The following CEP350 variants were observed in gnomAD, a reference collection of about 807,000 sequenced individuals.
The protein encoded by CEP350 is centrosomal protein 350.
Under a neutral mutation model 331.8 loss-of-function variants are expected in CEP350, and 126 were observed. The observed-to-expected ratio is 0.38, with a 90% CI of 0.33 to 0.44. The LOEUF is 0.44. CEP350 is among the 20% of genes least tolerant of loss of function. CEP350 has a pLI of 1.00. For missense variants in CEP350, 3,406 were observed against 3,634.6 expected (o/e 0.94, Z 1.62); for synonymous variants, 1,200 against 1,259.5 (o/e 0.95, Z 1.00).
intron 17 of CEP350, 52 bp downstream of exon 17, chr1:180,037,141 T>A: frequency 6.8e-7 from 1 of 1,462,094 alleles, no homozygotes; most frequent in Non-Finnish European, 9.1e-7. Flanking sequence ...TCTTCGCTAT[T>A]TAAAATGGTC....
chr1:180,076,000 G>A (rs1659204014), intron 28 of CEP350, among the ~76,000 whole-genome samples: 1 of 151,646 alleles, frequency 6.6e-6, no homozygotes, highest in South Asian at 2.1e-4. Flanking sequence ...ATACAAACTT[G>A]AAAACTTAGA....
chr1:180,060,755 G>A lies in CEP350; in HGVS notation c.5263-1465G>A, dbSNP rs978196440. ...ATTAAAAGGCGTAAATTAGCATGGT[G>A]AAATATCAAAAGTGATATCTAGTAA... On this transcript the variant is annotated intron_variant, in intron 25 of 37. Transcript: ENST00000367607. Among the ~76,000 whole-genome samples the A allele has an allele frequency of 2.3e-4, 35 of 151,994 alleles. 1 individual carries two copies. The highest frequency in any genetic ancestry group is 2.3e-3 in the Admixed American group (35 of 15,278).
intron 1 of CEP350, among the ~76,000 whole-genome samples, chr1:179,967,198 G>A (rs1007805384): frequency 1.3e-5 from 2 of 152,074 alleles, no homozygotes; most frequent in Non-Finnish European, 2.9e-5. Context: ...GAAGACCTTT[G>A]TACAAATAGA....
At chr1:179,976,351 A>G (rs1239636248) in intron 1 of CEP350, among the ~76,000 whole-genome samples, 1 of 128,242 alleles carries the variant, frequency 7.8e-6, no homozygotes, top group Non-Finnish European at 1.6e-5. Context: ...CAGTGGGCTT[A>G]AAAGAAAACA....
At chr1:180,022,251 A>G (rs1571880390) in intron 12 of CEP350, among the ~76,000 whole-genome samples, 1 of 152,100 alleles carries the variant, frequency 6.6e-6, no homozygotes, top group East Asian at 1.9e-4. Context: ...GCTTAAATCA[A>G]CATCATTTTT....
At position 180,078,687 on chromosome 1, in the gene CEP350, A is replaced by G. The variant is rs1278946074; in HGVS notation, c.5979+13A>G. The G allele has an allele frequency of 6.4e-7, 1 of 1,571,604 alleles. No individual in the cohort carries two copies. Among genetic ancestry groups the G allele is most frequent in the Non-Finnish European group, 8.6e-7 (1 of 1,158,088 alleles). On this transcript the variant is annotated intron_variant, in intron 29 of 37. Transcript: ENST00000367607. ...TCCTAGTAAACATGTAAGTTAATGTATATTTATATCTTAAAGATTCTCTAG... is the reference window on the plus strand; with the variant it reads ...TCCTAGTAAACATGTAAGTTAATGTGTATTTATATCTTAAAGATTCTCTAG...
At chr1:180,019,499 A>C (rs1410031301) in intron 11 of CEP350, among the ~76,000 whole-genome samples, 5 of 152,222 alleles carry the variant, frequency 3.3e-5, no homozygotes, top group African/African-American at 4.8e-5. Flanking sequence ...AGAATAATCT[A>C]TATCATGTCT....
At chr1:180,084,683 T>G (rs1419280380) in intron 31 of CEP350, among the ~76,000 whole-genome samples, 3 of 152,070 alleles carry the variant, frequency 2.0e-5, no homozygotes, top group Non-Finnish European at 4.4e-5. Flanking sequence ...AATTTTAAAT[T>G]TAAATATTAA....
chr1:180,077,443 G>T (rs539372055), intron 28 of CEP350, among the ~76,000 whole-genome samples: 1 of 151,948 alleles, frequency 6.6e-6, no homozygotes, highest in South Asian at 2.1e-4. Context: ...GGAGGCCAAG[G>T]CACATACATC....
rs143908772 is a variant in CEP350 at position 180,093,687 on chromosome 1, G to A, written c.7582G>A (p.Gly2528Arg). 5.9e-5 allele frequency: 95 copies of A among 1,613,720 alleles called. No individual in the cohort carries two copies. The highest frequency in any genetic ancestry group is 6.8e-5 in the Non-Finnish European group (80 of 1,179,784). Residue 2528 changes from glycine (G) to arginine (R), a missense_variant, in exon 34 of 38, where the codon GGA becomes AGA. Around this residue, in one of 5 missense-constraint regions of CEP350, gnomAD observed 1,415 missense variants for 1,512.3 expected, o/e 0.94. Transcript: ENST00000367607. The part of the protein sequence containing the change: ...ETSFAKGFWA[G>R]VELDKPEGNN... ...TAGTTTTGCTAAAGGATTTTGGGCC[G>A]GAGTGGAGTTAGATAAACCTGAAGG...
chr1:180,014,566 T>C (rs1654852437), intron 10 of CEP350, 61 bp downstream of exon 10: 7 of 1,435,512 alleles, frequency 4.9e-6, no homozygotes, highest in Non-Finnish European at 6.5e-6. Context: ...TTATTTGCTA[T>C]ACTATTTAAA....
At chr1:180,022,953 A>G in intron 13 of CEP350, 105 bp downstream of exon 13, 1 of 1,041,002 alleles carries the variant, frequency 9.6e-7, no homozygotes, top group Non-Finnish European at 1.4e-6. Flanking sequence ...TTAAAAATAC[A>G]TATAGAGGCT....
rs184910743 is a variant in CEP350 at position 180,026,249 on chromosome 1, C to T, written c.3550+1667C>T. On this transcript the variant is annotated intron_variant, in intron 14 of 37. Transcript: ENST00000367607. ...CTGCGCCATTGCACTCCAGCCTGGG[C>T]GACAGAGTGAGACTCTGTGTCAAAA... is the stretch of plus-strand genomic sequence containing the variant. Among the ~76,000 whole-genome samples the T allele has an allele frequency of 4.4e-3, 664 of 149,724 alleles. 5 individuals carry two copies. Among genetic ancestry groups the T allele is most frequent in the African/African-American group, 0.016 (630 of 40,592 alleles).
At chr1:179,959,079 A>C (rs1650389986) in intron 1 of CEP350, among the ~76,000 whole-genome samples, 1 of 124,110 alleles carries the variant, frequency 8.1e-6, no homozygotes, top group Non-Finnish European at 1.8e-5. Flanking sequence ...TAGTGATATA[A>C]ATGTATTTTT....
Position 180,095,073 on chromosome 1 carries a change from T to A in CEP350, c.8512-450T>A, listed in dbSNP as rs6699483. On this transcript the variant is annotated intron_variant, in intron 34 of 37. Coordinates refer to ENST00000367607, the MANE Select transcript of CEP350 (RefSeq NM_014810.5). ...CTGCAGAGGTTAGCAGTTGTGATGT[T>A]GATTCTGGTAAAATGAAATAGATCC... The A allele has an allele frequency of 8.6e-3, 1,476 of 171,974 alleles. 26 individuals are homozygous for A. The highest frequency in any genetic ancestry group is 0.032 in the African/African-American group (1,343 of 41,966). The allele number at this position is 171,974 out of a possible 1,614,324, so 10.7% of individuals were successfully genotyped here.
chr1:180,090,531 G>A (rs1477459693), intron 32 of CEP350, among the ~76,000 whole-genome samples, 183 bp from the exon 33 acceptor site: 44 of 81,832 alleles, frequency 5.4e-4, no homozygotes, highest in African/African-American at 1.7e-3. Context: ...GGGCGACAGA[G>A]CGAGACTCCG....
chr1:180,058,866 A>G (rs1571936723), intron 25 of CEP350, among the ~76,000 whole-genome samples: 1 of 152,196 alleles, frequency 6.6e-6, no homozygotes, highest in East Asian at 1.9e-4. Flanking sequence ...TTTGACTGAT[A>G]GTGAAATGGC....
chr1:179,955,291 C>T (rs1277533640), intron 1 of CEP350, 149 bp downstream of exon 1: 2 of 859,796 alleles, frequency 2.3e-6, no homozygotes, highest in Non-Finnish European at 2.9e-6. Flanking sequence ...CTCGGGGAAC[C>T]TCCCTGGGTT....
chr1:180,044,253 T>C, intron 21 of CEP350, 80 bp downstream of exon 21: 4 of 1,330,438 alleles, frequency 3.0e-6, no homozygotes, highest in Non-Finnish European at 4.0e-6. Flanking sequence ...CTTTGATTTC[T>C]TAATCTTGTT....
Sources: gnomAD v4.1 joint callset for allele counts (sites outside exome capture counted in the v4.1 genomes callset) on GRCh38, gnomAD v4.1.1 for gene constraint, gnomAD v4.1.1 regional missense constraint, MANE v1.5 for transcripts, NCBI Gene and HGNC (gene_info 2026-07-23, HGNC 2026-07-21) for gene names.